Variants in SLF1 observed in about 807,000 individuals in gnomAD.
SLF1 encodes the protein SMC5-SMC6 complex localization factor protein 1.
A neutral mutation model predicts 123.0 loss-of-function variants in SLF1; 105 were observed. The ratio of observed to expected loss-of-function variants is 0.85; its 90% CI spans 0.73 to 1.00. SLF1 has a LOEUF of 1.00. SLF1 is among the 50% of genes least tolerant of loss of function. SLF1 has a pLI of 0.00. For missense variants in SLF1, 1,239 were observed against 1,223.0 expected, an observed-to-expected ratio of 1.01 and a Z score of -0.20; for synonymous variants, 434 against 406.6, an observed-to-expected ratio of 1.07 and a Z score of -0.81.
chr5:94,678,995 G>T, intron 15 of SLF1, 40 bp downstream of exon 15: 1 of 1,592,994 alleles, frequency 6.3e-7, no homozygotes, highest in Non-Finnish European at 8.5e-7. Flanking sequence ...GACCCATTCT[G>T]GAAATTAGTT....
intron 4 of SLF1, among the ~76,000 whole-genome samples, chr5:94,642,399 T>C (rs967724956): frequency 1.3e-5 from 2 of 152,254 alleles, no homozygotes; most frequent in Non-Finnish European, 2.9e-5. Flanking sequence ...ATGCTAGCTA[T>C]ACTTGCCCCT....
intron 10 of SLF1, among the ~76,000 whole-genome samples, chr5:94,663,412 G>C (rs762612968): frequency 2.0e-5 from 3 of 152,240 alleles, no homozygotes; most frequent in Admixed American, 2.0e-4. Flanking sequence ...GGGAGGCCAA[G>C]GCAAGTGGAT....
At chr5:94,648,363 G>A (rs372716178) in intron 5 of SLF1, among the ~76,000 whole-genome samples, 53 of 152,288 alleles carry the variant, frequency 3.5e-4, no homozygotes, top group African/African-American at 1.2e-3. Flanking sequence ...AGCCAAGTGC[G>A]AGTGAGAGGG....
rs1746653001 is a variant in SLF1 at position 94,643,269 on chromosome 5, T to G, written c.432-4T>G. 31 of 1,515,560 alleles carry G rather than the reference T, an allele frequency of 2.0e-5. No homozygotes were observed. Among genetic ancestry groups the G allele is most frequent in the Non-Finnish European group, 2.7e-5 (30 of 1,131,312 alleles). The allele number at this position is 1,515,560 out of a possible 1,614,324, so 93.9% of individuals were successfully genotyped here. Reference sequence around the variant, plus strand: ...ACTTTTATACCATTTACATTTTTATTTAGAGTTTTGGAGGCTGGAAAGGCA... The same window carrying G: ...ACTTTTATACCATTTACATTTTTATGTAGAGTTTTGGAGGCTGGAAAGGCA... On this transcript the variant is annotated splice_polypyrimidine_tract_variant and splice_region_variant and intron_variant, in intron 4 of 20. Transcript: ENST00000265140.
intron 4 of SLF1, among the ~76,000 whole-genome samples, chr5:94,632,674 A>C (rs1398434973): frequency 6.6e-6 from 1 of 151,300 alleles, no homozygotes; most frequent in African/African-American, 2.4e-5. Context: ...TTATTTTCTT[A>C]ATATGTTGAA....
chr5:94,622,611 T>G (rs1290178953), intron 1 of SLF1, among the ~76,000 whole-genome samples: 1 of 152,186 alleles, frequency 6.6e-6, no homozygotes, highest in Non-Finnish European at 1.5e-5. Context: ...ATGATTTTAA[T>G]CTTTCTATAT....
At chr5:94,657,493 T>C (rs1167576673) in intron 9 of SLF1, among the ~76,000 whole-genome samples, 1 of 152,114 alleles carries the variant, frequency 6.6e-6, no homozygotes, top group African/African-American at 2.4e-5. Flanking sequence ...CATATACTAA[T>C]GAGAAGAATG....
chr5:94,689,629 T>C, intron 18 of SLF1, 23 bp downstream of exon 18: 1 of 1,589,330 alleles, frequency 6.3e-7, no homozygotes, highest in Non-Finnish European at 8.6e-7. Flanking sequence ...TTTAAATTAA[T>C]TTATGCTAAG....
intron 9 of SLF1, among the ~76,000 whole-genome samples, chr5:94,658,596 TTTC>T (rs1748710147): frequency 6.6e-6 from 1 of 152,190 alleles, no homozygotes; most frequent in Non-Finnish European, 1.5e-5. Flanking sequence ...TTTAGAATTC[TTTC>T]TTTGTCTTTG....
chr5:94,640,694 T>C (rs113565434), intron 4 of SLF1, among the ~76,000 whole-genome samples: 2,246 of 152,318 alleles, frequency 0.015, 52 homozygotes, highest in African/African-American at 0.051. Context: ...TTAGTTGGGA[T>C]AATTCTATTG....
intron 4 of SLF1, among the ~76,000 whole-genome samples, chr5:94,633,781 T>C (rs1745463502): frequency 6.6e-6 from 1 of 152,238 alleles, no homozygotes; most frequent in Non-Finnish European, 1.5e-5. Flanking sequence ...AAATTGAAAT[T>C]TAAATTCTCA....
intron 20 of SLF1, among the ~76,000 whole-genome samples, chr5:94,693,412 T>A (rs1409260090): frequency 6.6e-6 from 1 of 152,098 alleles, no homozygotes; most frequent in Admixed American, 6.6e-5. Flanking sequence ...GAGCCATTAT[T>A]GTATTAGGTC....
chr5:94,619,128 C>A lies in SLF1; in HGVS notation c.-1+363C>A, dbSNP rs186102262. ...GCCGCCTGGAAGGCGCTAGGCCCCC[C>A]GCGTCTCTCGTTTCCATAGAACCCA... On this transcript the variant is annotated intron_variant, in intron 1 of 20. Coordinates refer to ENST00000265140, the MANE Select transcript of SLF1 (RefSeq NM_032290.4). Among the ~76,000 whole-genome samples, 86 of 152,228 alleles carry A rather than the reference C, an allele frequency of 5.6e-4. 1 individual carries two copies. Among genetic ancestry groups the A allele is most frequent in the African/African-American group, 1.2e-3 (50 of 41,550 alleles).
chr5:94,636,565 C>T (rs1037754385), intron 4 of SLF1, among the ~76,000 whole-genome samples: 2 of 145,732 alleles, frequency 1.4e-5, no homozygotes, highest in African/African-American at 5.1e-5. Context: ...TTGCATTTTT[C>T]ACTTTAGCAA....
intron 18 of SLF1, 189 bp from the exon 19 acceptor site, chr5:94,691,375 G>A: frequency 2.0e-6 from 1 of 505,386 alleles, no homozygotes; most frequent in South Asian, 2.3e-5. Context: ...TGGATTGGTG[G>A]GGGTCCTTCC....
At chr5:94,654,775 T>A (rs1748176320) in intron 9 of SLF1, 23 bp downstream of exon 9, 1 of 1,475,930 alleles carries the variant, frequency 6.8e-7, no homozygotes, top group Admixed American at 2.5e-5. Flanking sequence ...ACATGAAAAA[T>A]TTTGTATAAT....
At chr5:94,620,031 A>C (rs1231540221) in intron 1 of SLF1, 1 of 152,154 alleles carries the variant, frequency 6.6e-6, no homozygotes, top group Non-Finnish European at 1.5e-5. Flanking sequence ...GGTGCGCGAC[A>C]CCACGCCCGA....
Position 94,663,778 on chromosome 5 carries a change from T to C in SLF1, c.1238T>C (p.Val413Ala). 6.5e-7 allele frequency: 1 copy of C among 1,545,516 alleles called. No homozygotes were observed. The highest frequency in any genetic ancestry group is 1.2e-5 in the South Asian group (1 of 82,012). Residue 413 changes from valine to alanine, a missense_variant, in exon 11 of 21, where the codon GTA (valine) becomes GCA (alanine). Transcript: ENST00000265140. Reference sequence around the variant, plus strand: ...AAAAATGCTGAATTTCCCAGAGGTGTATTAAATTTAATTGAAAGCCTCATA... The same window carrying C: ...AAAAATGCTGAATTTCCCAGAGGTGCATTAAATTTAATTGAAAGCCTCATA... ...EVKNAEFPRGVLNLIESLIEG... is the reference protein window; with the variant it reads ...EVKNAEFPRGALNLIESLIEG...
Position 94,678,956 on chromosome 5 carries a change from G to C in SLF1, c.1975+1G>C. ...AGTTATGTTTCTCTTTCGTGTGATG[G>C]TAAGTTTGTCTATGTTCTGTTTTTT... On this transcript the variant is annotated splice_donor_variant, in intron 15 of 20. Coordinates refer to ENST00000265140, the MANE Select transcript of SLF1 (RefSeq NM_032290.4). LOFTEE classifies it high-confidence loss of function. 1 of 1,612,196 alleles carries C rather than the reference G, an allele frequency of 6.2e-7. No homozygotes were observed. The highest frequency in any genetic ancestry group is 1.1e-5 in the South Asian group (1 of 90,548).
Sources: gnomAD v4.1 joint callset for allele counts (sites outside exome capture counted in the v4.1 genomes callset) on GRCh38, gnomAD v4.1.1 for gene constraint, MANE v1.5 for transcripts, NCBI Gene and HGNC (gene_info 2026-07-23, HGNC 2026-07-21) for gene names.